Variants in NEK11 observed in about 807,000 individuals in gnomAD.
NEK11 encodes NIMA related kinase 11.
NEK11 carries 72 observed loss-of-function variants against 80.7 expected under a neutral mutation model. The observed-to-expected ratio is 0.89, with a 90% CI of 0.74 to 1.08. NEK11 has a LOEUF of 1.08. Among genes scored for constraint, NEK11 ranks in the 50% least tolerant of loss-of-function variants. NEK11 has a pLI of 0.00. For synonymous variants in NEK11, 251 were observed against 260.7 expected (o/e 0.96, Z 0.36); for missense variants, 764 against 763.6 (o/e 1.00, Z -0.01).
intron 16 of NEK11, among the ~76,000 whole-genome samples, chr3:131,257,490 T>A (rs2095837928): frequency 6.6e-6 from 1 of 152,160 alleles, no homozygotes; most frequent in Admixed American, 6.5e-5. Context: ...TGAGCTCCAC[T>A]GTTGTAAGGA....
At chr3:131,268,167 G>A (rs937283823) in intron 16 of NEK11, among the ~76,000 whole-genome samples, 11 of 152,048 alleles carry the variant, frequency 7.2e-5, no homozygotes, top group East Asian at 1.9e-4. Flanking sequence ...TTAGCAATTC[G>A]TCTAACCTTT....
At chr3:131,236,292 A>T (rs2095429151) in intron 15 of NEK11, among the ~76,000 whole-genome samples, 1 of 152,196 alleles carries the variant, frequency 6.6e-6, no homozygotes, top group African/African-American at 2.4e-5. Context: ...TTGCAGAGGG[A>T]GTACAGGCCT....
intron 4 of NEK11, among the ~76,000 whole-genome samples, chr3:131,109,080 A>G (rs1428344722): frequency 6.6e-6 from 1 of 152,166 alleles, no homozygotes; most frequent in East Asian, 1.9e-4. Context: ...ATGTGGGTGC[A>G]TATATAGGTA....
chr3:131,156,947 C>CA (rs749067690), intron 10 of NEK11, among the ~76,000 whole-genome samples: 3,049 of 107,916 alleles, frequency 0.028, 50 homozygotes, highest in African/African-American at 0.07. Context: ...GAGCATTCCA[C>CA]AAAAAAAAAA....
At chr3:131,048,876 C>A (rs572055416) in intron 3 of NEK11, among the ~76,000 whole-genome samples, 1 of 152,324 alleles carries the variant, frequency 6.6e-6, no homozygotes, top group East Asian at 1.9e-4. Context: ...TTACATGTCA[C>A]TTCAGCCTAA....
At chr3:131,230,565 A>C (rs1307175401) in intron 15 of NEK11, among the ~76,000 whole-genome samples, 1 of 152,270 alleles carries the variant, frequency 6.6e-6, no homozygotes, top group Non-Finnish European at 1.5e-5. Flanking sequence ...CCTCTTTATG[A>C]TACTGCCAAA....
intron 16 of NEK11, among the ~76,000 whole-genome samples, chr3:131,245,152 C>A (rs1167919046): frequency 3.3e-5 from 5 of 152,110 alleles, no homozygotes; most frequent in Non-Finnish European, 5.9e-5. Context: ...CATATGTACA[C>A]ATTATTTAGC....
intron 15 of NEK11, among the ~76,000 whole-genome samples, chr3:131,234,801 C>G (rs1384090794): frequency 6.6e-6 from 1 of 151,634 alleles, no homozygotes; most frequent in Non-Finnish European, 1.5e-5. Flanking sequence ...TCACTTACTT[C>G]TCTTAACAAT....
rs568141608 is a variant in NEK11, at chr3:131,224,481, G to A, written c.1400-4047G>A. ...TGACCTCTGGTGATCTGCCTGCCTCGGCCTGCCAAAGTGCTGGGATTATAG... is the reference window on the plus strand; with the variant it reads ...TGACCTCTGGTGATCTGCCTGCCTCAGCCTGCCAAAGTGCTGGGATTATAG... On this transcript the variant is annotated intron_variant, in intron 14 of 17. Transcript: ENST00000383366. Among the ~76,000 whole-genome samples, 8 of 152,106 alleles carry A rather than the reference G, an allele frequency of 5.3e-5. No individual in the cohort carries two copies. In the South Asian group the frequency reaches 6.3e-4, roughly 12 times the overall value.
intron 3 of NEK11, among the ~76,000 whole-genome samples, chr3:131,031,601 A>G (rs2064854534): frequency 6.6e-6 from 1 of 152,206 alleles, no homozygotes. Context: ...ACTTAAGATA[A>G]TAAGTGAGTG....
At position 131,181,550 on chromosome 3, in the gene NEK11, T is replaced by C. The variant is rs183820168; in HGVS notation, c.1399+10663T>C. Among the ~76,000 whole-genome samples, 132 of 152,106 alleles carry C rather than the reference T, an allele frequency of 8.7e-4. 1 individual carries two copies. Among genetic ancestry groups the C allele is most frequent in the Non-Finnish European group, 1.4e-3 (95 of 67,962 alleles). ...TCACAAGGTCAGGAGATGGAGACCATCCTGGCTAACACGATGAAACCCCAT... is the reference window on the plus strand; with the variant it reads ...TCACAAGGTCAGGAGATGGAGACCACCCTGGCTAACACGATGAAACCCCAT... On this transcript the variant is annotated intron_variant, in intron 14 of 17. Transcript: ENST00000383366.
At chr3:131,046,692 ATT>A (rs2067451063) in intron 3 of NEK11, among the ~76,000 whole-genome samples, 1 of 151,890 alleles carries the variant, frequency 6.6e-6, no homozygotes, top group South Asian at 2.1e-4. Context: ...TCAACTCCTC[ATT>A]TACATTAGGT....
At chr3:131,302,601 T>C (rs2096673838) in intron 17 of NEK11, among the ~76,000 whole-genome samples, 1 of 152,246 alleles carries the variant, frequency 6.6e-6, no homozygotes, top group Non-Finnish European at 1.5e-5. Context: ...CTTAATTGCA[T>C]TGCTTACCCA....
At chr3:131,264,470 A>G (rs531539951) in intron 16 of NEK11, among the ~76,000 whole-genome samples, 21 of 152,268 alleles carry the variant, frequency 1.4e-4, no homozygotes, top group African/African-American at 4.3e-4. Context: ...TAAATAGGGA[A>G]TCCTTTCCCC....
At chr3:131,178,971 G>A (rs1401478415) in intron 14 of NEK11, among the ~76,000 whole-genome samples, 3 of 152,176 alleles carry the variant, frequency 2.0e-5, no homozygotes, top group African/African-American at 7.2e-5. Flanking sequence ...TTGAATGTCT[G>A]CTCTCAAAAA....
chr3:131,250,400 A>G (rs866475814), intron 16 of NEK11, among the ~76,000 whole-genome samples: 2 of 152,234 alleles, frequency 1.3e-5, no homozygotes, highest in Middle Eastern at 3.4e-3. Context: ...GTTTGAACCT[A>G]CAAATATTTA....
At chr3:131,121,793 G>C (rs1238904465) in intron 5 of NEK11, among the ~76,000 whole-genome samples, 1 of 152,182 alleles carries the variant, frequency 6.6e-6, no homozygotes, top group East Asian at 1.9e-4. Flanking sequence ...GCCATGCATG[G>C]GATATAATCT....
chr3:131,121,222 G>A (rs1024279584), intron 5 of NEK11, among the ~76,000 whole-genome samples: 11 of 152,334 alleles, frequency 7.2e-5, no homozygotes, highest in Middle Eastern at 6.8e-3. Flanking sequence ...ACCCTCAGCT[G>A]CAGGTCTGCT....
intron 4 of NEK11, among the ~76,000 whole-genome samples, chr3:131,096,296 A>G (rs888098815): frequency 7.9e-5 from 12 of 151,704 alleles, no homozygotes; most frequent in African/African-American, 2.4e-4. Flanking sequence ...CTGTTCCTGT[A>G]TTGGTTTGCT....
Sources: allele counts gnomAD v4.1 joint callset (sites outside exome capture counted in the v4.1 genomes callset), GRCh38; gene constraint gnomAD v4.1.1; transcripts MANE v1.5; gene names NCBI Gene and HGNC (gene_info 2026-07-23, HGNC 2026-07-21).